Variants in SCAPER observed in about 807,000 individuals in gnomAD.
SCAPER encodes S phase cyclin A-associated protein in the endoplasmic reticulum.
In SCAPER, 98 loss-of-function variants were observed where a neutral mutation model predicts 182.2. The observed-to-expected ratio is 0.54, with a 90% CI of 0.46 to 0.64. The LOEUF (loss-of-function observed/expected upper bound fraction) is 0.64, where lower values mean the gene tolerates loss of function less well. Among genes scored for constraint, SCAPER ranks in the 30% least tolerant of loss-of-function variants. The probability of loss-of-function intolerance (pLI) is 0.00; values close to 1 mark genes in which losing one functional copy is unlikely to be tolerated. For missense variants in SCAPER, 1,432 were observed against 1,690.0 expected, an observed-to-expected ratio of 0.85 and a Z score of 2.68; for synonymous variants, 605 against 564.6, an observed-to-expected ratio of 1.07 and a Z score of -1.01.
At chr15:76,900,342 T>TAAAAAAAAAAAAAAAAAAACAA (rs56677318) in intron 1 of SCAPER, among the ~76,000 whole-genome samples, 1 of 59,110 alleles carries the variant, frequency 1.7e-5, no homozygotes, top group African/African-American at 6.3e-5. Context: ...CAATAAATAC[T>TAAAAAAAAAAAAAAAAAAACAA]AAAAAAAAAA....
chr15:76,535,720 A>C (rs1036791326), intron 23 of SCAPER, among the ~76,000 whole-genome samples: 1 of 152,032 alleles, frequency 6.6e-6, no homozygotes, highest in Admixed American at 6.5e-5. Context: ...AAATCTTTTC[A>C]TTCAGGCTCT....
chr15:76,632,244 C>T (rs1406550417), intron 21 of SCAPER, among the ~76,000 whole-genome samples: 2 of 152,138 alleles, frequency 1.3e-5, no homozygotes, highest in Non-Finnish European at 2.9e-5. Flanking sequence ...GGCTGGAGTG[C>T]AGTGGCACAA....
rs755640247 is a variant in SCAPER, at chr15:76,775,107, A to G, written c.783T>C (p.Asp261=). The change falls in exon 9 of 32, where the codon GAT becomes GAC. Residue 261 remains aspartate (D), a synonymous_variant. Transcript: ENST00000563290. ...TCTGAACGGTCTCCCATCCTTCAGC[A>G]TCTTTCCGTTCTATGCAATTAAAGT... ...QKASRKNERK[D]AEGWETVQRG... 5 of 1,612,212 alleles carry G rather than the reference A, an allele frequency of 3.1e-6. No homozygotes were observed. The highest frequency in any genetic ancestry group is 1.7e-5 in the Admixed American group (1 of 59,736).
chr15:76,832,283 A>G (rs1455584960), intron 5 of SCAPER, among the ~76,000 whole-genome samples: 2 of 152,244 alleles, frequency 1.3e-5, no homozygotes, highest in Non-Finnish European at 2.9e-5. Flanking sequence ...TTTAAGAAAG[A>G]ACCAAACTGA....
At chr15:76,374,250 A>G (rs2042382967) in intron 29 of SCAPER, among the ~76,000 whole-genome samples, 1 of 151,752 alleles carries the variant, frequency 6.6e-6, no homozygotes, top group African/African-American at 2.4e-5. Context: ...TTAGCTGGGC[A>G]CGGTGGTGGG....
chr15:76,459,150 C>T (rs1037165455), intron 25 of SCAPER, among the ~76,000 whole-genome samples: 2 of 152,108 alleles, frequency 1.3e-5, no homozygotes, highest in Non-Finnish European at 2.9e-5. Context: ...CCTTGGCCTT[C>T]CAAATTGCTG....
chr15:76,352,606 C>T (rs567946970), intron 30 of SCAPER, among the ~76,000 whole-genome samples: 13 of 151,744 alleles, frequency 8.6e-5, no homozygotes, highest in African/African-American at 2.9e-4. Flanking sequence ...CTCAGCCTCC[C>T]GAGTAGCTGG....
At chr15:76,362,639 T>C (rs543500474) in intron 29 of SCAPER, among the ~76,000 whole-genome samples, 4 of 152,022 alleles carry the variant, frequency 2.6e-5, no homozygotes, top group Admixed American at 1.3e-4. Flanking sequence ...TCTTGAACTC[T>C]TGACCTTGTG....
intron 5 of SCAPER, among the ~76,000 whole-genome samples, chr15:76,837,420 G>A (rs1486923200): frequency 1.3e-5 from 2 of 152,194 alleles, no homozygotes; most frequent in African/African-American, 4.8e-5. Context: ...GGAAGGGGAA[G>A]TAAACATGTC....
At chr15:76,608,330 C>A (rs1385430975) in intron 22 of SCAPER, among the ~76,000 whole-genome samples, 1 of 152,130 alleles carries the variant, frequency 6.6e-6, no homozygotes, top group Non-Finnish European at 1.5e-5. Flanking sequence ...TGCAGAACAG[C>A]GGATTTTGGT....
intron 18 of SCAPER, among the ~76,000 whole-genome samples, chr15:76,703,649 T>G (rs2059087150): frequency 6.6e-6 from 1 of 152,182 alleles, no homozygotes; most frequent in Non-Finnish European, 1.5e-5. Context: ...GCTCAGGAAG[T>G]GTTCTTTAAA....
At chr15:76,711,681 T>C (rs922266957) in intron 17 of SCAPER, among the ~76,000 whole-genome samples, 5 of 152,224 alleles carry the variant, frequency 3.3e-5, no homozygotes, top group African/African-American at 9.6e-5. Flanking sequence ...ATTTCTTTGA[T>C]GGCCAGTGAT....
intron 21 of SCAPER, among the ~76,000 whole-genome samples, chr15:76,627,694 T>TGATGG (rs2052716053): frequency 6.6e-6 from 1 of 152,230 alleles, no homozygotes; most frequent in Non-Finnish European, 1.5e-5. Context: ...AGTTTATCGT[T>TGATGG]GATGGGCATT....
intron 20 of SCAPER, among the ~76,000 whole-genome samples, chr15:76,697,224 C>A (rs1166131219): frequency 2.6e-5 from 4 of 152,102 alleles, no homozygotes; most frequent in Admixed American, 6.5e-5. Flanking sequence ...AAAAATGAAA[C>A]TTCCATGAGA....
rs112719989 is a variant in SCAPER at position 76,416,947 on chromosome 15, A to G, written c.3312-12268T>C. 8.2e-3 allele frequency among the ~76,000 whole-genome samples: 1,253 copies of G among 152,176 alleles called. 17 individuals carry two copies. Among genetic ancestry groups the G allele is most frequent in the African/African-American group, 0.029 (1,193 of 41,510 alleles). ...TTGGGTGTGGTGGCTTGCACCTGTA[A>G]TCCCAGCTACTCTGGAGGTTGAGGC... On this transcript the variant is annotated intron_variant, in intron 26 of 31. Transcript: ENST00000563290.
At chr15:76,706,767 G>A (rs947881722) in intron 17 of SCAPER, among the ~76,000 whole-genome samples, 5 of 151,886 alleles carry the variant, frequency 3.3e-5, no homozygotes, top group Admixed American at 2.0e-4. Flanking sequence ...AGCATGCATA[G>A]CCAGCTTTAC....
chr15:76,589,928 T>C (rs1271158579), intron 22 of SCAPER, among the ~76,000 whole-genome samples: 1 of 152,224 alleles, frequency 6.6e-6, no homozygotes, highest in Non-Finnish European at 1.5e-5. Flanking sequence ...TAAGGTCAAA[T>C]CCTTCTTCCA....
At chr15:76,545,659 G>A (rs1034198977) in intron 23 of SCAPER, among the ~76,000 whole-genome samples, 1 of 152,108 alleles carries the variant, frequency 6.6e-6, no homozygotes, top group African/African-American at 2.4e-5. Flanking sequence ...AATAAATGAT[G>A]TGAGCTTCAT....
chr15:76,622,558 T>C (rs1167543234), intron 21 of SCAPER, among the ~76,000 whole-genome samples: 1 of 152,196 alleles, frequency 6.6e-6, no homozygotes, highest in East Asian at 1.9e-4. Flanking sequence ...TACATATTTT[T>C]TCAACCTAAG....
Sources: allele counts gnomAD v4.1 joint callset (sites outside exome capture counted in the v4.1 genomes callset), GRCh38; gene constraint gnomAD v4.1.1; transcripts MANE v1.5; gene names NCBI Gene and HGNC (gene_info 2026-07-23, HGNC 2026-07-21).